The following A2ML1 variants were observed in gnomAD, a reference collection of about 807,000 sequenced individuals.
A2ML1 encodes alpha-2-macroglobulin like 1, also known as alpha-2-macroglobulin-like protein 1.
A neutral mutation model predicts 181.9 loss-of-function variants in A2ML1; 161 were observed. That is an observed-to-expected ratio of 0.89 (90% confidence interval 0.78 to 1.01). The LOEUF (loss-of-function observed/expected upper bound fraction) is 1.01, where lower values mean the gene tolerates loss of function less well. Ranked by LOEUF, A2ML1 falls within the 50% of genes least tolerant of loss-of-function variation. The probability of loss-of-function intolerance (pLI) is 0.00; values close to 1 mark genes in which losing one functional copy is unlikely to be tolerated. For synonymous variants in A2ML1, 663 were observed against 666.8 expected (o/e 0.99, Z 0.09); for missense variants, 1,670 against 1,768.1 (o/e 0.94, Z 1.00).
At chr12:8,875,954 A>AT (rs1182811460) in intron 35 of A2ML1, 104 bp from the exon 36 acceptor site, 1 of 152,084 alleles carries the variant, frequency 6.6e-6, no homozygotes, top group Non-Finnish European at 1.5e-5. Flanking sequence ...CATTTGTGAG[A>AT]TTTTTTTGTA....
intron 26 of A2ML1, among the ~76,000 whole-genome samples, chr12:8,859,401 G>GT (rs1481568840): frequency 6.6e-6 from 1 of 151,890 alleles, no homozygotes; most frequent in Non-Finnish European, 1.5e-5. Context: ...TGAAATATGC[G>GT]TGGGGGCCAG....
rs139496032 is a variant in A2ML1, at chr12:8,829,195, T to C, written c.410-532T>C. 9.0e-4 allele frequency among the ~76,000 whole-genome samples: 137 copies of C among 152,284 alleles called. No homozygotes were observed. The East Asian group carries it at 0.018, about 20-fold the overall frequency. The stretch of plus-strand genomic sequence containing the variant: ...TTCAGTTTGGTGTTACTGTGGGGGA[T>C]GAGGAGGGTGGTCAATGGAGGCTTC... On this transcript the variant is annotated intron_variant, in intron 3 of 35. Transcript: ENST00000299698.
chr12:8,837,380 G>A (rs2136773942), intron 7 of A2ML1, 60 bp from the exon 8 acceptor site: 1 of 1,599,664 alleles, frequency 6.3e-7, no homozygotes, highest in Non-Finnish European at 8.5e-7. Context: ...GTGTTTGAGG[G>A]AAGAGTTGGA....
At chr12:8,886,010 TCACACA>T (rs35294269) in intron 7 of A2ML1, among the ~76,000 whole-genome samples, 173 of 145,004 alleles carry the variant, frequency 1.2e-3, no homozygotes, top group Middle Eastern at 3.4e-3. Flanking sequence ...CAACAATATC[TCACACA>T]CACACACACA....
At chr12:8,850,744 C>A (rs1489168183) in intron 18 of A2ML1, among the ~76,000 whole-genome samples, 2 of 151,890 alleles carry the variant, frequency 1.3e-5, no homozygotes, top group Admixed American at 6.6e-5. Context: ...TTCTTTTTTT[C>A]TTTTTATTTT....
Position 8,823,895 on chromosome 12 carries a change from T to C in A2ML1, c.409+13T>C, listed in dbSNP as rs1319293636. The C allele has an allele frequency of 3.7e-6, 6 of 1,602,780 alleles. No homozygotes were observed. The highest frequency in any genetic ancestry group is 5.1e-6 in the Non-Finnish European group (6 of 1,173,684). On this transcript the variant is annotated intron_variant, in intron 3 of 35. Coordinates refer to ENST00000299698, the MANE Select transcript of A2ML1 (RefSeq NM_144670.6). ...CCAGGGCAGCAAGGTAAGAGTCACATATTTGGGGTTCGACTAAAACCTGGG... is the reference window on the plus strand; with the variant it reads ...CCAGGGCAGCAAGGTAAGAGTCACACATTTGGGGTTCGACTAAAACCTGGG...
At chr12:8,848,094 C>T (rs1428867586) in intron 15 of A2ML1, among the ~76,000 whole-genome samples, 3 of 148,290 alleles carry the variant, frequency 2.0e-5, no homozygotes, top group Admixed American at 2.0e-4. Context: ...TATCATTGCC[C>T]TCCAGCCTGG....
At position 8,843,380 on chromosome 12, in the gene A2ML1, G is replaced by A. The variant is rs1365927419; in HGVS notation, c.1476+19G>A. ...CTACTATGTGAGACCGGGAAACGGG[G>A]ACGGGTGAGAGTATGCTGGGAAGGA... On this transcript the variant is annotated intron_variant, in intron 12 of 35. Coordinates refer to ENST00000299698, the MANE Select transcript of A2ML1 (RefSeq NM_144670.6). The A allele has an allele frequency of 6.2e-7, 1 of 1,609,176 alleles. No individual in the cohort carries two copies. Among genetic ancestry groups the A allele is most frequent in the Non-Finnish European group, 8.5e-7 (1 of 1,175,898 alleles).
In A2ML1 at chr12:8,854,767, CT is replaced by C; in HGVS notation, c.2713-12del. ...ATCTTTGTTGTTTTTATCTGTGTCT[CT>C]CTTCATCGCAGCCTGAGGGAGTCCT... On this transcript the variant is annotated splice_polypyrimidine_tract_variant and intron_variant, in intron 21 of 35. Coordinates refer to ENST00000299698, the MANE Select transcript of A2ML1 (RefSeq NM_144670.6). The C allele has an allele frequency of 6.2e-7, 1 of 1,614,102 alleles. No individual in the cohort carries two copies. Among genetic ancestry groups the C allele is most frequent in the Non-Finnish European group, 8.5e-7 (1 of 1,179,998 alleles).
chr12:8,854,378 T>C, intron 21 of A2ML1, 129 bp downstream of exon 21: 3 of 1,395,140 alleles, frequency 2.2e-6, no homozygotes, highest in Non-Finnish European at 2.9e-6. Context: ...TCTCCTTCCC[T>C]GGCCCCTTGA....
chr12:8,824,662 C>A (rs545849471), intron 3 of A2ML1, among the ~76,000 whole-genome samples: 62 of 152,156 alleles, frequency 4.1e-4, no homozygotes, highest in Middle Eastern at 3.4e-3. Flanking sequence ...TCCTGCCCAC[C>A]ATTACCCTTC....
At chr12:8,887,082 C>G (rs1281688276), downstream of A2ML1, 1 of 151,552 alleles carries the variant, frequency 6.6e-6, no homozygotes, top group Non-Finnish European at 1.5e-5. Flanking sequence ...CACTTAAGCC[C>G]AGGAGGTCGA....
chr12:8,833,035 G>A (rs542419854), intron 4 of A2ML1, among the ~76,000 whole-genome samples: 4 of 144,836 alleles, frequency 2.8e-5, no homozygotes, highest in Admixed American at 7.2e-5. Context: ...GTGCAGTAGC[G>A]GGATCTCAGC....
chr12:8,855,928 G>A (rs1565484030), intron 23 of A2ML1, among the ~76,000 whole-genome samples: 1 of 152,180 alleles, frequency 6.6e-6, no homozygotes. Flanking sequence ...TTTGGGTATA[G>A]TTTAGGGAAG....
At chr12:8,834,739 T>C (rs965368849) in intron 5 of A2ML1, 57 bp downstream of exon 5, 117 of 1,606,954 alleles carry the variant, frequency 7.3e-5, no homozygotes, top group Non-Finnish European at 9.7e-5. Context: ...GAATGAGAAT[T>C]TGGTGGTACA....
chr12:8,858,957 T>C (rs904703429), intron 26 of A2ML1, among the ~76,000 whole-genome samples: 2 of 152,060 alleles, frequency 1.3e-5, no homozygotes, highest in Non-Finnish European at 2.9e-5. Flanking sequence ...TTATTTCATG[T>C]TTACAACAAA....
chr12:8,846,036 G>A (rs1469477591), intron 13 of A2ML1, 41 bp from the exon 14 acceptor site: 1 of 1,610,742 alleles, frequency 6.2e-7, no homozygotes, highest in Non-Finnish European at 8.5e-7. Flanking sequence ...GCAGGTGAAT[G>A]TGCATTCTGA....
intron 28 of A2ML1, among the ~76,000 whole-genome samples, chr12:8,863,084 T>C (rs1944319676): frequency 6.8e-6 from 1 of 146,478 alleles, no homozygotes; most frequent in East Asian, 2.0e-4. Context: ...GCCATTTTTA[T>C]TCTACTTAAA....
At chr12:8,831,812 C>T (rs940430631) in intron 4 of A2ML1, among the ~76,000 whole-genome samples, 2 of 151,932 alleles carry the variant, frequency 1.3e-5, no homozygotes, top group African/African-American at 2.4e-5. Context: ...TGCAATGGCG[C>T]GATCTCGGCT....
Sources: allele counts gnomAD v4.1 joint callset (sites outside exome capture counted in the v4.1 genomes callset), GRCh38; gene constraint gnomAD v4.1.1; transcripts MANE v1.5; gene names NCBI Gene and HGNC (gene_info 2026-07-23, HGNC 2026-07-21).